The following SNPH variants were observed in gnomAD, a reference collection of about 807,000 sequenced individuals.
SNPH encodes syntaphilin.
A neutral mutation model predicts 36.8 loss-of-function variants in SNPH; 10 were observed. The observed-to-expected ratio is 0.27, with a 90% confidence interval of 0.17 to 0.46. The LOEUF (loss-of-function observed/expected upper bound fraction) is 0.46. Ranked by LOEUF, SNPH falls within the 20% of genes least tolerant of loss-of-function variation. SNPH has a pLI of 1.00. For synonymous variants in SNPH, 281 were observed against 312.2 expected, an observed-to-expected ratio of 0.90 and a Z score of 1.05; for missense variants, 622 against 744.0, an observed-to-expected ratio of 0.84 and a Z score of 1.91.
At chr20:1,277,992 CTG>C (rs773244523) in intron 2 of SNPH, among the ~76,000 whole-genome samples, 4 of 132,756 alleles carry the variant, frequency 3.0e-5, no homozygotes, top group African/African-American at 8.7e-5. Flanking sequence ...TGTGGCGTGT[CTG>C]TGTGTCTGTG....
Position 1,297,182 on chromosome 20 carries a change from G to A in SNPH, c.220G>A (p.Gly74Ser), listed in dbSNP as rs1304913307. ...SPPVSVRDAYGTSSLSSSSNS... is the reference protein window; with the variant it reads ...SPPVSVRDAYSTSSLSSSSNS... ...ACCTGTGAGCGTGCGGGATGCCTAC[G>A]GCACCTCTTCGCTCAGCAGCAGCAG... Residue 74 changes from glycine to serine, a missense_variant, in exon 5 of 7, where the codon GGC (glycine) becomes AGC (serine). Transcript: ENST00000381867. The A allele has an allele frequency of 6.2e-7, 1 of 1,613,850 alleles. No individual in the cohort carries two copies. The highest frequency in any genetic ancestry group is 1.1e-5 in the South Asian group (1 of 91,044).
chr20:1,278,540 T>A (rs964149819), intron 2 of SNPH, among the ~76,000 whole-genome samples: 8 of 152,226 alleles, frequency 5.3e-5, no homozygotes, highest in Middle Eastern at 3.2e-3. Context: ...CAATTACTGA[T>A]CTGCTTTCTG....
chr20:1,286,865 G>A (rs1030452871), intron 2 of SNPH, among the ~76,000 whole-genome samples: 2 of 152,138 alleles, frequency 1.3e-5, no homozygotes, highest in African/African-American at 2.4e-5. Flanking sequence ...AGGGGCTGTC[G>A]TCGCAGGCAG....
At position 1,296,346 on chromosome 20, in the gene SNPH, C is replaced by T. The variant is rs2088434291; in HGVS notation, c.107C>T (p.Pro36Leu). The T allele has an allele frequency of 1.2e-6, 2 of 1,600,098 alleles. No homozygotes were observed. The highest frequency in any genetic ancestry group is 2.2e-5 in the South Asian group (2 of 89,358). The change falls in exon 4 of 7, where the codon CCA (proline) becomes CTA (leucine). Residue 36 changes from proline to leucine, a missense_variant. Pro to Leu is a moderately conservative substitution (Grantham distance 98). Around this residue, in one of 3 missense-constraint regions of SNPH, gnomAD observed 187 missense variants for 209.4 expected, o/e 0.89. Coordinates refer to ENST00000381867, the MANE Select transcript of SNPH (RefSeq NM_001318234.2). ...LSSAPGIPPIPPLTRTHSLMA... is the reference protein window; with the variant it reads ...LSSAPGIPPILPLTRTHSLMA... Reference sequence around the variant, plus strand: ...TCAGCCCCCGGGATACCGCCCATCCCACCCCTTACTCGGACCCACAGCCTC... The same window carrying T: ...TCAGCCCCCGGGATACCGCCCATCCTACCCCTTACTCGGACCCACAGCCTC...
chr20:1,298,556 T>C (rs1348890626), intron 5 of SNPH, among the ~76,000 whole-genome samples: 1 of 152,250 alleles, frequency 6.6e-6, no homozygotes, highest in Non-Finnish European at 1.5e-5. Flanking sequence ...GAAAACTATA[T>C]AATTGGCAAC....
intron 5 of SNPH, among the ~76,000 whole-genome samples, chr20:1,298,788 G>T (rs1178513004): frequency 7.1e-6 from 1 of 141,358 alleles, no homozygotes. Context: ...GCGTCACAGC[G>T]TATTTTTTTT....
In SNPH at chr20:1,304,326, C is replaced by T; in HGVS notation, c.441-552C>T. ...AGGGATGATGTAAAATCATCAGCCT[C>T]CCCCAACATTGAAAGCTGTCATTTC... On this transcript the variant is annotated intron_variant, in intron 6 of 6. Coordinates refer to ENST00000381867, the MANE Select transcript of SNPH (RefSeq NM_001318234.2). This position sits in a 1 kb window ranked among gnomAD's most constrained non-coding sequence, Gnocchi z 4.3. Among the ~76,000 whole-genome samples, 1 of 152,116 alleles carries T rather than the reference C, an allele frequency of 6.6e-6. No individual in the cohort carries two copies. The highest frequency in any genetic ancestry group is 1.5e-5 in the Non-Finnish European group (1 of 68,030).
At chr20:1,268,602 T>C (rs2088035487) in intron 2 of SNPH, among the ~76,000 whole-genome samples, 3 of 151,922 alleles carry the variant, frequency 2.0e-5, no homozygotes, top group African/African-American at 7.3e-5. Context: ...CAAAAGAAGT[T>C]GTCATGTCCC....
intron 6 of SNPH, 116 bp downstream of exon 6, chr20:1,300,827 G>A (rs948874542): frequency 1.9e-5 from 20 of 1,035,196 alleles, no homozygotes; most frequent in East Asian, 1.1e-4. Context: ...CCCAGCATCC[G>A]TCTGCTCTCT....
intron 2 of SNPH, among the ~76,000 whole-genome samples, chr20:1,293,411 A>G (rs1353771076): frequency 1.3e-5 from 2 of 152,154 alleles, no homozygotes; most frequent in Non-Finnish European, 2.9e-5. Context: ...CCCACAGTTA[A>G]GGGTTTTCTT....
At chr20:1,298,243 G>A (rs569618971) in intron 5 of SNPH, among the ~76,000 whole-genome samples, 6 of 152,308 alleles carry the variant, frequency 3.9e-5, no homozygotes, top group Non-Finnish European at 7.3e-5. Context: ...TCTACACACC[G>A]CCTGTGCATC....
intron 2 of SNPH, among the ~76,000 whole-genome samples, chr20:1,277,149 A>G (rs183924962): frequency 6.6e-6 from 1 of 152,350 alleles, no homozygotes; most frequent in African/African-American, 2.4e-5. Context: ...GGGGAAGGCT[A>G]TACCACGGCT....
intron 2 of SNPH, among the ~76,000 whole-genome samples, chr20:1,289,402 GC>G (rs1352757785): frequency 1.3e-5 from 2 of 152,108 alleles, no homozygotes; most frequent in Non-Finnish European, 2.9e-5. Flanking sequence ...TAGAGGGGGG[GC>G]ACTGGCTCTT....
intron 2 of SNPH, among the ~76,000 whole-genome samples, chr20:1,288,102 T>A (rs1207048348): frequency 1.3e-5 from 2 of 152,170 alleles, no homozygotes; most frequent in African/African-American, 4.8e-5. Context: ...CCAGCCCAGG[T>A]CACTTGGCCT....
In SNPH at chr20:1,307,340, GC is replaced by G. The variant is rs2088592076; in HGVS notation, c.*1289del. The G allele has an allele frequency of 6.6e-6, 1 of 152,264 alleles. No homozygotes were observed. The highest frequency in any genetic ancestry group is 1.5e-5 in the Non-Finnish European group (1 of 68,066). The allele number at this position is 152,264 out of a possible 1,614,324, so 9.4% of individuals were successfully genotyped here. A position where few individuals can be genotyped will look rare whatever the true frequency, so the allele number is the denominator to read the frequency against. On this transcript the variant is annotated 3_prime_UTR_variant, in exon 7 of 7. Transcript: ENST00000381867. ...GCGCCCTGCAGCCTCCCTGCTCCCA[GC>G]CCAAGGCCAGTCGGCCTGGGAAGTT...
chr20:1,301,274 G>A (rs1170248689), intron 6 of SNPH, among the ~76,000 whole-genome samples: 3 of 152,040 alleles, frequency 2.0e-5, no homozygotes, highest in South Asian at 2.1e-4. Flanking sequence ...CCCGCAGGCC[G>A]TCTGAGCTCA....
chr20:1,289,526 C>T (rs1053089031), intron 2 of SNPH, among the ~76,000 whole-genome samples: 2 of 81,300 alleles, frequency 2.5e-5, no homozygotes, highest in Non-Finnish European at 6.3e-5. Flanking sequence ...CACACACACA[C>T]ACACACACAC....
intron 5 of SNPH, among the ~76,000 whole-genome samples, chr20:1,298,842 G>A (rs1340959154): frequency 3.9e-5 from 5 of 127,714 alleles, no homozygotes; most frequent in African/African-American, 1.3e-4. Flanking sequence ...GTGTGTGTGT[G>A]TGTATACATA....
At chr20:1,283,339 AC>A (rs1373517800) in intron 2 of SNPH, among the ~76,000 whole-genome samples, 2 of 152,080 alleles carry the variant, frequency 1.3e-5, no homozygotes, top group African/African-American at 4.8e-5. Flanking sequence ...AGTGCCACCC[AC>A]CCCCACGCTG....
Sources: allele counts gnomAD v4.1 joint callset (sites outside exome capture counted in the v4.1 genomes callset), GRCh38; gene constraint gnomAD v4.1.1; regional missense constraint gnomAD v4.1.1; non-coding constraint Gnocchi (gnomAD v3.1); transcripts MANE v1.5; gene names NCBI Gene and HGNC (gene_info 2026-07-23, HGNC 2026-07-21).